The following PRDM5 variants were observed in gnomAD, a reference collection of about 807,000 sequenced individuals.
The protein encoded by PRDM5 is PR/SET domain 5, also known as PR domain zinc finger protein 5.
In PRDM5, 56 loss-of-function variants were observed where a neutral mutation model predicts 81.2. That is an observed-to-expected ratio of 0.69 (90% CI 0.56 to 0.86). PRDM5 has a LOEUF of 0.86. PRDM5 is among the 40% of genes least tolerant of loss of function. The pLI, the probability that PRDM5 is intolerant of heterozygous loss-of-function variation, is 0.00. For synonymous variants in PRDM5, 267 were observed against 256.4 expected (o/e 1.04, Z -0.39); for missense variants, 697 against 770.1 (o/e 0.91, Z 1.12).
At chr4:120,907,745 C>T (rs1010382875) in intron 1 of PRDM5, among the ~76,000 whole-genome samples, 188 bp from the exon 2 acceptor site, 2 of 152,176 alleles carry the variant, frequency 1.3e-5, no homozygotes, top group Non-Finnish European at 2.9e-5. Flanking sequence ...TGTTTTTAGC[C>T]TAAAACGCTA....
chr4:120,814,185 G>T (rs1754201841), intron 7 of PRDM5, among the ~76,000 whole-genome samples: 2 of 152,186 alleles, frequency 1.3e-5, no homozygotes, highest in African/African-American at 2.4e-5. Context: ...AAGATGGGAA[G>T]TGACGGAGGA....
At chr4:120,763,702 A>C (rs1163748268) in intron 13 of PRDM5, among the ~76,000 whole-genome samples, 2 of 152,204 alleles carry the variant, frequency 1.3e-5, no homozygotes, top group Non-Finnish European at 2.9e-5. Context: ...TTCACCCAGT[A>C]GTTTTCTATT....
intron 2 of PRDM5, among the ~76,000 whole-genome samples, chr4:120,904,807 A>C (rs2148670853): frequency 6.6e-6 from 1 of 152,324 alleles, no homozygotes; most frequent in Non-Finnish European, 1.5e-5. Context: ...CAAAACATTA[A>C]TATGATCATC....
At chr4:120,765,159 A>AAAT (rs1451913284) in intron 13 of PRDM5, among the ~76,000 whole-genome samples, 1 of 152,224 alleles carries the variant, frequency 6.6e-6, no homozygotes, top group African/African-American at 2.4e-5. Flanking sequence ...AAATACGATC[A>AAAT]AATAATAATA....
At chr4:120,729,247 G>C (rs1158682479) in intron 14 of PRDM5, among the ~76,000 whole-genome samples, 1 of 152,060 alleles carries the variant, frequency 6.6e-6, no homozygotes, top group Non-Finnish European at 1.5e-5. Context: ...AGAAATCAAA[G>C]AATAACAGCT....
At chr4:120,801,569 A>G (rs1243204592) in intron 8 of PRDM5, among the ~76,000 whole-genome samples, 1 of 152,262 alleles carries the variant, frequency 6.6e-6, no homozygotes. Flanking sequence ...TCATTCCACA[A>G]GAGTCTGACT....
At chr4:120,707,360 G>A (rs1338480134) in intron 15 of PRDM5, among the ~76,000 whole-genome samples, 2 of 151,582 alleles carry the variant, frequency 1.3e-5, no homozygotes, top group Non-Finnish European at 2.9e-5. Context: ...TGCAGAAAAG[G>A]TATCTGAAAA....
intron 3 of PRDM5, among the ~76,000 whole-genome samples, chr4:120,828,540 T>C (rs1756321034): frequency 6.6e-6 from 1 of 152,138 alleles, no homozygotes; most frequent in Non-Finnish European, 1.5e-5. Flanking sequence ...GCAACTATAA[T>C]TTTAACTTCA....
At chr4:120,754,005 G>C (rs570269639) in intron 14 of PRDM5, among the ~76,000 whole-genome samples, 1 of 152,202 alleles carries the variant, frequency 6.6e-6, no homozygotes, top group Non-Finnish European at 1.5e-5. Flanking sequence ...CAATAGTCCA[G>C]TGAGAGTGTT....
chr4:120,732,076 T>G (rs569042265), intron 14 of PRDM5, among the ~76,000 whole-genome samples: 7 of 152,190 alleles, frequency 4.6e-5, no homozygotes, highest in Non-Finnish European at 8.8e-5. Context: ...CATCTCAGGA[T>G]AAGGGTAGGC....
intron 10 of PRDM5, among the ~76,000 whole-genome samples, chr4:120,788,437 A>G (rs1490772779): frequency 6.6e-6 from 1 of 152,206 alleles, no homozygotes; most frequent in African/African-American, 2.4e-5. Flanking sequence ...GATATTTGAC[A>G]GAATGTTTGC....
At chr4:120,772,592 G>GT (rs1185849478) in intron 13 of PRDM5, among the ~76,000 whole-genome samples, 1 of 152,204 alleles carries the variant, frequency 6.6e-6, no homozygotes, top group African/African-American at 2.4e-5. Context: ...AGCAATACCA[G>GT]TCTGAGAAAT....
At chr4:120,689,880 G>A (rs1054338705), downstream of PRDM5, among the ~76,000 whole-genome samples, 1 of 152,102 alleles carries the variant, frequency 6.6e-6, no homozygotes, top group African/African-American at 2.4e-5. Context: ...CTCCCAAAGT[G>A]CTGGGAATAC....
intron 13 of PRDM5, among the ~76,000 whole-genome samples, chr4:120,765,325 G>C (rs920450584): frequency 2.0e-5 from 3 of 152,178 alleles, no homozygotes; most frequent in African/African-American, 7.2e-5. Flanking sequence ...ACAGAAAGCT[G>C]GTTGGAACTG....
chr4:120,723,964 G>A (rs951202090), intron 14 of PRDM5, among the ~76,000 whole-genome samples: 3 of 119,232 alleles, frequency 2.5e-5, no homozygotes, highest in Non-Finnish European at 5.1e-5. Flanking sequence ...ATGTTGCTGG[G>A]AGTTTCCTTT....
rs1753794929 is a variant in PRDM5 at position 120,811,260 on chromosome 4, A to G, written c.945+110T>C. ...AGTTAATAATTGCCATTGATTTTTC[A>G]GATTATCTTTTCACATCAAAATAAC... On this transcript the variant is annotated intron_variant, in intron 8 of 15. Transcript: ENST00000264808. 3.2e-6 allele frequency: 2 copies of G among 629,498 alleles called. 1 individual carries two copies. The allele number at this position is 629,498 out of a possible 1,614,324, so 39.0% of individuals were successfully genotyped here.
chr4:120,711,840 GATTA>G (rs1737035723), intron 14 of PRDM5, among the ~76,000 whole-genome samples: 1 of 152,000 alleles, frequency 6.6e-6, no homozygotes, highest in African/African-American at 2.4e-5. Flanking sequence ...TTTTAGCCCG[GATTA>G]ATTGTGAAAT....
chr4:120,883,954 A>G (rs1763126608), intron 2 of PRDM5, among the ~76,000 whole-genome samples: 1 of 152,192 alleles, frequency 6.6e-6, no homozygotes. Context: ...AATATACTGA[A>G]AACTAATGAA....
intron 13 of PRDM5, among the ~76,000 whole-genome samples, chr4:120,764,064 G>C (rs1746024342): frequency 1.3e-5 from 2 of 151,758 alleles, no homozygotes; most frequent in African/African-American, 4.8e-5. Flanking sequence ...ACAAATTAGG[G>C]GAAATCAAAT....
Sources: gnomAD v4.1 joint callset for allele counts (sites outside exome capture counted in the v4.1 genomes callset) on GRCh38, gnomAD v4.1.1 for gene constraint, MANE v1.5 for transcripts, NCBI Gene and HGNC (gene_info 2026-07-23, HGNC 2026-07-21) for gene names.